The following ANXA11 variants were observed in gnomAD, a reference collection of about 807,000 sequenced individuals.
ANXA11 encodes the protein annexin A11, also known as 56 kDa autoantigen.
A neutral mutation model predicts 64.7 loss-of-function variants in ANXA11; 57 were observed. That is an observed-to-expected ratio of 0.88 (90% CI 0.71 to 1.10). The LOEUF (loss-of-function observed/expected upper bound fraction) is 1.10, where lower values mean the gene tolerates loss of function less well. ANXA11 is among the 50% of genes least tolerant of loss of function. The pLI, the probability that ANXA11 is intolerant of heterozygous loss-of-function variation, is 0.00. For missense variants in ANXA11, 675 were observed against 670.7 expected (o/e 1.01, Z -0.07); for synonymous variants, 260 against 265.2 (o/e 0.98, Z 0.19).
chr10:80,184,525 C>A (rs1205301803), intron 1 of ANXA11, among the ~76,000 whole-genome samples: 1 of 151,462 alleles, frequency 6.6e-6, no homozygotes, highest in Non-Finnish European at 1.5e-5. Flanking sequence ...AGTCAGGGAC[C>A]GTGTGTGTGT....
chr10:80,200,358 G>C (rs1840367512), intron 1 of ANXA11, among the ~76,000 whole-genome samples: 1 of 152,162 alleles, frequency 6.6e-6, no homozygotes, highest in Non-Finnish European at 1.5e-5. Context: ...AGACTGTAAA[G>C]AAAAGAGATT....
intron 8 of ANXA11, among the ~76,000 whole-genome samples, chr10:80,165,475 A>C (rs2046661499): frequency 6.6e-6 from 1 of 152,162 alleles, no homozygotes; most frequent in Non-Finnish European, 1.5e-5. Flanking sequence ...GCCCGTTTGG[A>C]GACCCTGCTG....
chr10:80,155,847 C>A lies in ANXA11; in HGVS notation c.*6G>T. 1 of 1,614,120 alleles carries A rather than the reference C, an allele frequency of 6.2e-7. No homozygotes were observed. The highest frequency in any genetic ancestry group is 1.7e-5 in the Admixed American group (1 of 60,030). Reference sequence around the variant, plus strand: ...AGGTGGGCAGAAGTGAGCCACCAGTCACTGTTCAGTCATTGCCACCACAGA... The same window carrying A: ...AGGTGGGCAGAAGTGAGCCACCAGTAACTGTTCAGTCATTGCCACCACAGA... On this transcript the variant is annotated 3_prime_UTR_variant, in exon 16 of 16. Coordinates refer to ENST00000422982, the MANE Select transcript of ANXA11 (RefSeq NM_145868.2).
At chr10:80,181,978 T>C (rs1846371250) in intron 1 of ANXA11, among the ~76,000 whole-genome samples, 1 of 152,232 alleles carries the variant, frequency 6.6e-6, no homozygotes, top group African/African-American at 2.4e-5. Context: ...ACACAAAACC[T>C]GCTCATGGAC....
Position 80,154,789 on chromosome 10 carries a change from GC to G in ANXA11, c.*1063del. The G allele has an allele frequency of 6.6e-6, 1 of 152,330 alleles. No homozygotes were observed. The highest frequency in any genetic ancestry group is 1.5e-5 in the Non-Finnish European group (1 of 68,106). 9.4% of individuals were successfully genotyped at this position (152,330 alleles called of 1,614,324 possible). A position where few individuals can be genotyped will look rare whatever the true frequency, so the allele number is the denominator to read the frequency against. ...TGGGTTGTCCCCATCCTTCTCTCTGGCCCCCGCCGAGGGGCACCAGGAATTA... is the reference window on the plus strand; with the variant it reads ...TGGGTTGTCCCCATCCTTCTCTCTGGCCCCGCCGAGGGGCACCAGGAATTA... On this transcript the variant is annotated 3_prime_UTR_variant, in exon 16 of 16. Transcript: ENST00000422982.
chr10:80,203,185 C>A (rs988535167), intron 1 of ANXA11, among the ~76,000 whole-genome samples: 2 of 152,136 alleles, frequency 1.3e-5, no homozygotes, highest in Non-Finnish European at 2.9e-5. Context: ...CTCCTGCCCA[C>A]ACCAGTTTCT....
chr10:80,182,785 G>A (rs61860040), intron 1 of ANXA11, among the ~76,000 whole-genome samples: 1 of 152,104 alleles, frequency 6.6e-6, no homozygotes, highest in Non-Finnish European at 1.5e-5. Flanking sequence ...GAGAAGGCTC[G>A]GCTCTGGTTA....
chr10:80,155,082 C>T lies in ANXA11; in HGVS notation c.*771G>A, dbSNP rs1193846500. The T allele has an allele frequency of 2.0e-5, 3 of 152,452 alleles. No homozygotes were observed. The highest frequency in any genetic ancestry group is 7.2e-5 in the African/African-American group (3 of 41,394). 9.4% of individuals were successfully genotyped at this position (152,452 alleles called of 1,614,324 possible). On this transcript the variant is annotated 3_prime_UTR_variant, in exon 16 of 16. Transcript: ENST00000422982. Reference sequence around the variant, plus strand: ...CTGATAAGGCCAGACCTCTGAGCCACAGGGCAGAATCAAGCAGAAGAAAAC... The same window carrying T: ...CTGATAAGGCCAGACCTCTGAGCCATAGGGCAGAATCAAGCAGAAGAAAAC...
intron 1 of ANXA11, among the ~76,000 whole-genome samples, chr10:80,180,609 C>T (rs2132450312): frequency 6.6e-6 from 1 of 152,092 alleles, no homozygotes; most frequent in East Asian, 1.9e-4. Context: ...CTGGCCTTCC[C>T]CAGTCTGGTG....
intron 1 of ANXA11, among the ~76,000 whole-genome samples, chr10:80,183,271 G>C (rs1470061776): frequency 6.6e-6 from 1 of 152,240 alleles, no homozygotes; most frequent in East Asian, 1.9e-4. Flanking sequence ...CGGTAGTCCT[G>C]TTCCAAGGAT....
chr10:80,190,597 C>T (rs1846731838), intron 1 of ANXA11, among the ~76,000 whole-genome samples: 1 of 150,812 alleles, frequency 6.6e-6, no homozygotes, highest in Non-Finnish European at 1.5e-5. Flanking sequence ...GCCGTTCTCC[C>T]GCCTCAGCCT....
chr10:80,174,938 C>G (rs187823397), intron 2 of ANXA11, among the ~76,000 whole-genome samples: 1 of 152,154 alleles, frequency 6.6e-6, no homozygotes, highest in East Asian at 1.9e-4. Context: ...TTCAGCCCTA[C>G]GGGTGTAGTC....
chr10:80,166,373 G>C, intron 7 of ANXA11, 176 bp from the exon 8 acceptor site: 1 of 565,144 alleles, frequency 1.8e-6, no homozygotes, highest in South Asian at 2.2e-5. Context: ...TCCCAAATCA[G>C]AGACCACATT....
chr10:80,174,340 G>C (rs1303956030), intron 2 of ANXA11, among the ~76,000 whole-genome samples: 1 of 151,346 alleles, frequency 6.6e-6, no homozygotes. Context: ...GCAATGGTGT[G>C]ATCTCGGCTC....
In ANXA11 at chr10:80,169,086, TGGCTGCCCAGGGTAGGCCCCTGGG is replaced by T. The variant is rs747381895; in HGVS notation, c.420_443del (p.Gly142_Pro149del). On this transcript the variant is annotated inframe_deletion, in exon 5 of 16. Transcript: ENST00000422982. ...GAGGCTGACCAGGGTAGGTCACTGGTGGCTGCCCAGGGTAGGCCCCTGGGGGCTGCTGTCCGGGGGGTGGCATGG... is the reference window on the plus strand; with the variant it reads ...GAGGCTGACCAGGGTAGGTCACTGGTGGCTGCTGTCCGGGGGGTGGCATGG... 8.5e-6 allele frequency: 13 copies of T among 1,534,638 alleles called. No individual in the cohort carries two copies. In the South Asian group the frequency reaches 1.3e-4, roughly 15 times the overall value.
chr10:80,172,707 G>A, intron 3 of ANXA11, 100 bp downstream of exon 3: 1 of 1,209,208 alleles, frequency 8.3e-7, no homozygotes, highest in Non-Finnish European at 1.2e-6. Flanking sequence ...CGTGCTGTGA[G>A]GGGAGGAGGG....
chr10:80,163,438 T>C, intron 10 of ANXA11, 33 bp from the exon 11 acceptor site: 1 of 1,614,012 alleles, frequency 6.2e-7, no homozygotes, highest in Non-Finnish European at 8.5e-7. Flanking sequence ...TCATGCCCAC[T>C]CCTTCCCCAT....
At chr10:80,201,619 T>C (rs1418299719) in intron 1 of ANXA11, among the ~76,000 whole-genome samples, 1 of 152,184 alleles carries the variant, frequency 6.6e-6, no homozygotes, top group Non-Finnish European at 1.5e-5. Flanking sequence ...TCTCTCCTTT[T>C]AAGCACACCA....
intron 1 of ANXA11, among the ~76,000 whole-genome samples, chr10:80,182,653 C>T (rs1846397261): frequency 1.3e-5 from 2 of 152,110 alleles, no homozygotes; most frequent in African/African-American, 4.8e-5. Context: ...TTTTGAACCC[C>T]GCATGCATTA....
Sources: allele counts gnomAD v4.1 joint callset (sites outside exome capture counted in the v4.1 genomes callset), GRCh38; gene constraint gnomAD v4.1.1; transcripts MANE v1.5; gene names NCBI Gene and HGNC (gene_info 2026-07-23, HGNC 2026-07-21).